The following SLC16A3 variants were observed in gnomAD, a reference collection of about 807,000 sequenced individuals.
SLC16A3 encodes solute carrier family 16 member 3.
Under a neutral mutation model 25.0 loss-of-function variants are expected in SLC16A3, and 22 were observed. That is an observed-to-expected ratio of 0.88 (90% CI 0.63 to 1.26). The LOEUF (loss-of-function observed/expected upper bound fraction) is 1.26, where lower values mean the gene tolerates loss of function less well. Among genes scored for constraint, SLC16A3 ranks in the 50% most tolerant of loss-of-function variants. The pLI is 0.00. For missense variants in SLC16A3, 731 were observed against 666.6 expected (o/e 1.10, Z -1.06); for synonymous variants, 390 against 309.2 (o/e 1.26, Z -2.74).
rs776322720 is a variant in SLC16A3, at chr17:82,237,682, C to T, written c.912C>T (p.Phe304=). 1.2e-5 allele frequency: 20 copies of T among 1,612,746 alleles called. No homozygotes were observed. Among genetic ancestry groups the T allele is most frequent in the Admixed American group, 1.7e-5 (1 of 59,988 alleles). Residue 304 remains phenylalanine, a synonymous_variant, in exon 4 of 5, where the codon TTC becomes TTT. Coordinates refer to ENST00000582743, the MANE Select transcript of SLC16A3 (RefSeq NM_004207.4). ...ACCTCTTCAGCTTCTCCATGTTCTT[C>T]AACGGCCTCGCGGACCTGGCGGGTT... ...SVYLFSFSMF[F]NGLADLAGST... is the part of the protein sequence containing the mutation.
intron 3 of SLC16A3, 67 bp downstream of exon 3, chr17:82,236,939 GGTCCA>G: frequency 6.3e-7 from 1 of 1,575,698 alleles, no homozygotes; most frequent in Non-Finnish European, 8.6e-7. Flanking sequence ...TCTGCTCCTG[GGTCCA>G]GGCCTCTGGA....
At chr17:82,226,159 C>T (rs983769277), upstream of SLC16A3, among the ~76,000 whole-genome samples, 1 of 151,910 alleles carries the variant, frequency 6.6e-6, no homozygotes, top group East Asian at 1.9e-4. Context: ...GAACTGGGAA[C>T]AAAAGGAAGT....
chr17:82,238,138 G>T (rs540101931), intron 4 of SLC16A3, among the ~76,000 whole-genome samples: 25 of 152,240 alleles, frequency 1.6e-4, no homozygotes, highest in Admixed American at 1.4e-3. Flanking sequence ...GGCCCGGGGG[G>T]GGGCAGCTCC....
upstream of SLC16A3, among the ~76,000 whole-genome samples, chr17:82,227,859 G>T (rs778265262): frequency 2.0e-5 from 3 of 152,204 alleles, no homozygotes; most frequent in East Asian, 1.9e-4. Flanking sequence ...GAATGCCAGC[G>T]GGAGGGTGGG....
intron 2 of SLC16A3, 153 bp from the exon 3 acceptor site, chr17:82,236,576 G>T: frequency 8.0e-6 from 9 of 1,123,086 alleles, no homozygotes; most frequent in Non-Finnish European, 1.1e-5. Context: ...CATGGCCTGC[G>T]CTCGGGGAGC....
chr17:82,235,927 G>A (rs528009080), intron 1 of SLC16A3, 56 bp from the exon 2 acceptor site: 1 of 1,246,346 alleles, frequency 8.0e-7, no homozygotes, highest in Admixed American at 2.0e-5. Context: ...TCCCCTGCCA[G>A]GCTGCAGCTG....
chr17:82,226,359 G>T (rs1198531286), upstream of SLC16A3, among the ~76,000 whole-genome samples: 6 of 152,144 alleles, frequency 3.9e-5, no homozygotes, highest in Admixed American at 6.5e-5. Context: ...GGGCCACTGT[G>T]GGGGAGCAAG....
Position 82,237,807 on chromosome 17 carries a change from T to C in SLC16A3, c.1037T>C (p.Ile346Thr). 6.2e-7 allele frequency: 1 copy of C among 1,610,494 alleles called. No homozygotes were observed. The highest frequency in any genetic ancestry group is 8.5e-7 in the Non-Finnish European group (1 of 1,179,904). Residue 346 changes from isoleucine to threonine, a missense_variant, in exon 4 of 5, where the codon ATC becomes ACC. Coordinates refer to ENST00000582743, the MANE Select transcript of SLC16A3 (RefSeq NM_004207.4). ...GALQFEVLMAIVGTHKFSSAI... is the reference protein window; with the variant it reads ...GALQFEVLMATVGTHKFSSAI... ...CTGCAGTTCGAGGTGCTCATGGCCA[T>C]CGTGGGCACCCACAAGTTCTCCAGT...
At position 82,239,172 on chromosome 17, in the gene SLC16A3, C is replaced by T. The variant is rs116904469; in HGVS notation, c.*196C>T. ...ACCGTGTCATTCCAGAGTGGATCTG[C>T]GGTGAAGCCAAGCCGCAAGGTTACA... is the stretch of plus-strand genomic sequence containing the variant. On this transcript the variant is annotated 3_prime_UTR_variant, in exon 5 of 5. Transcript: ENST00000582743. 7.0e-3 allele frequency: 3,609 copies of T among 516,706 alleles called. 177 individuals carry two copies. The East Asian group carries it at 0.11, about 15-fold the overall frequency. The allele number at this position is 516,706 out of a possible 1,614,324, so 32.0% of individuals were successfully genotyped here.
intron 1 of SLC16A3, among the ~76,000 whole-genome samples, chr17:82,218,659 G>A (rs999236583): frequency 6.6e-5 from 10 of 152,194 alleles, no homozygotes; most frequent in African/African-American, 2.4e-4. Flanking sequence ...TGATGTTCTA[G>A]GCCAAGGAAG....
At chr17:82,219,217 G>A (rs985290266) in intron 1 of SLC16A3, among the ~76,000 whole-genome samples, 2 of 152,146 alleles carry the variant, frequency 1.3e-5, no homozygotes, top group African/African-American at 4.8e-5. Context: ...AGGGCCTGGA[G>A]GCCGGGGCAG....
intron 4 of SLC16A3, 30 bp from the exon 5 acceptor site, chr17:82,238,672 G>A (rs754459631): frequency 8.8e-6 from 14 of 1,585,304 alleles, no homozygotes; most frequent in South Asian, 5.7e-5. Flanking sequence ...GCCCGCATGA[G>A]CGGCTGGGAC....
chr17:82,236,019 C>G lies in SLC16A3; in HGVS notation c.11C>G (p.Ala4Gly), dbSNP rs1161579872. ...CCAACCCTCCTGGCCATGGGAGGGGCCGTGGTGGACGAGGGCCCCACAGGC... is the reference window on the plus strand; with the variant it reads ...CCAACCCTCCTGGCCATGGGAGGGGGCGTGGTGGACGAGGGCCCCACAGGC... Reference protein sequence around the residue: MGGAVVDEGPTGVK... With the variant: MGGGVVDEGPTGVK... The change falls in exon 2 of 5, where the codon GCC becomes GGC. Residue 4 changes from alanine to glycine, a missense_variant. By Grantham distance (60) the Ala-to-Gly change is moderately conservative (BLOSUM62 0). Coordinates refer to ENST00000582743, the MANE Select transcript of SLC16A3 (RefSeq NM_004207.4). The G allele has an allele frequency of 6.2e-7, 1 of 1,611,434 alleles. No individual in the cohort carries two copies. The highest frequency in any genetic ancestry group is 1.7e-4 in the Middle Eastern group (1 of 5,986).
Position 82,239,027 on chromosome 17 carries a change from C to A in SLC16A3, c.*51C>A, listed in dbSNP as rs750861421. 5.4e-6 allele frequency: 8 copies of A among 1,472,810 alleles called. No homozygotes were observed. In the African/African-American group the frequency reaches 8.5e-5, roughly 16 times the overall value. The allele number at this position is 1,472,810 out of a possible 1,614,324, so 91.2% of individuals were successfully genotyped here. ...AGGGAGGAGGTACAGAAGCCGGCAACGCTTGCTATTTATTTTACAAACTGG... is the reference window on the plus strand; with the variant it reads ...AGGGAGGAGGTACAGAAGCCGGCAAAGCTTGCTATTTATTTTACAAACTGG... On this transcript the variant is annotated 3_prime_UTR_variant, in exon 5 of 5. Coordinates refer to ENST00000582743, the MANE Select transcript of SLC16A3 (RefSeq NM_004207.4).
intron 1 of SLC16A3, chr17:82,234,839 G>A (rs1282881507): frequency 6.6e-6 from 1 of 152,330 alleles, no homozygotes; most frequent in Non-Finnish European, 1.5e-5. Flanking sequence ...CAAGGAAAGG[G>A]GGTGGGGGTG....
Position 82,237,292 on chromosome 17 carries a change from C to A in SLC16A3, c.522C>A (p.Tyr174Ter), listed in dbSNP as rs1402246303. 6.4e-7 allele frequency: 1 copy of A among 1,561,222 alleles called. No individual in the cohort carries two copies. The highest frequency in any genetic ancestry group is 1.9e-5 in the Admixed American group (1 of 52,934). The change falls in exon 4 of 5, where the codon TAC becomes TAA. Residue 174 changes from tyrosine (Y) to a stop codon, truncating the protein, a stop_gained. Coordinates refer to ENST00000582743, the MANE Select transcript of SLC16A3 (RefSeq NM_004207.4). LOFTEE classifies it high-confidence loss of function. ...TGGGGCAGCTGCTGCAGGACCGCTA[C>A]GGCTGGCGGGGCGGCTTCCTCATCC... ...SPLGQLLQDR[Y>*]GWRGGFLILG...
upstream of SLC16A3, among the ~76,000 whole-genome samples, chr17:82,223,991 T>C (rs1011899329): frequency 6.0e-5 from 9 of 150,992 alleles, no homozygotes; most frequent in South Asian, 1.3e-3. Context: ...CCTACACCTG[T>C]GCAGACGCAC....
intron 1 of SLC16A3, among the ~76,000 whole-genome samples, chr17:82,219,743 G>T (rs1236967404): frequency 3.3e-5 from 5 of 152,144 alleles, no homozygotes; most frequent in African/African-American, 1.2e-4. Flanking sequence ...TGAAAGGCGG[G>T]GGGTCTGCGC....
intron 1 of SLC16A3, 35 bp from the exon 2 acceptor site, chr17:82,235,948 C>G: frequency 6.9e-7 from 1 of 1,441,118 alleles, no homozygotes; most frequent in Non-Finnish European, 9.5e-7. Flanking sequence ...GGATGGTCAC[C>G]CGGGCAGCCT....
Sources: gnomAD v4.1 joint callset for allele counts (sites outside exome capture counted in the v4.1 genomes callset) on GRCh38, gnomAD v4.1.1 for gene constraint, MANE v1.5 for transcripts, NCBI Gene and HGNC (gene_info 2026-07-23, HGNC 2026-07-21) for gene names.